Variants in METTL14 observed in about 807,000 individuals in gnomAD.
The protein encoded by METTL14 is methyltransferase 14, N6-adenosine-methyltransferase non-catalytic subunit.
In METTL14, 32 loss-of-function variants were observed where a neutral mutation model predicts 62.4. The observed-to-expected ratio is 0.51, with a 90% CI of 0.39 to 0.69. METTL14 has a LOEUF of 0.69. Among genes scored for constraint, METTL14 ranks in the 30% least tolerant of loss-of-function variants. The pLI is 0.00. For missense variants in METTL14, 340 were observed against 551.9 expected, an observed-to-expected ratio of 0.62 and a Z score of 3.85; for synonymous variants, 150 against 180.0, an observed-to-expected ratio of 0.83 and a Z score of 1.34.
rs1724987378 is a variant in METTL14 at position 118,713,777 on chromosome 4, GA to G, written c.*3477del. 1 of 152,080 alleles carries G rather than the reference GA, an allele frequency of 6.6e-6. No homozygotes were observed. The highest frequency in any genetic ancestry group is 6.6e-5 in the Admixed American group (1 of 15,258). The allele number at this position is 152,080 out of a possible 1,614,324, so 9.4% of individuals were successfully genotyped here. On this transcript the variant is annotated 3_prime_UTR_variant, in exon 11 of 11. Coordinates refer to ENST00000388822, the MANE Select transcript of METTL14 (RefSeq NM_020961.4). ...AAATCTAGGACTTCTCAAAAGATTA[GA>G]ACATTTATCCAGTAAACTGACTCCA...
chr4:118,695,951 A>C (rs1422919349), intron 6 of METTL14, among the ~76,000 whole-genome samples: 2 of 151,596 alleles, frequency 1.3e-5, no homozygotes, highest in African/African-American at 4.8e-5. Context: ...CTCTATTAAA[A>C]ATACAAAAAT....
intron 7 of METTL14, among the ~76,000 whole-genome samples, chr4:118,699,275 C>T (rs1398052626): frequency 1.3e-5 from 2 of 152,120 alleles, no homozygotes; most frequent in African/African-American, 4.8e-5. Context: ...TTCCTATTAG[C>T]TTTAATACTC....
chr4:118,708,813 T>C (rs189557195), intron 10 of METTL14, among the ~76,000 whole-genome samples: 130 of 152,326 alleles, frequency 8.5e-4, no homozygotes, highest in African/African-American at 2.8e-3. Context: ...CAAATAATGC[T>C]GTGTCTCTTA....
intron 7 of METTL14, 166 bp downstream of exon 7, chr4:118,697,489 T>C: frequency 1.8e-6 from 1 of 561,128 alleles, no homozygotes; most frequent in East Asian, 3.4e-5. Context: ...TTGACTAATA[T>C]TACATTATCT....
At chr4:118,692,221 CT>C (rs1468870120) in intron 5 of METTL14, among the ~76,000 whole-genome samples, 153 bp downstream of exon 5, 9 of 132,248 alleles carry the variant, frequency 6.8e-5, no homozygotes, top group African/African-American at 1.7e-4. Context: ...TTTTTCTTTT[CT>C]TTTCTTTTTT....
Position 118,704,052 on chromosome 4 carries a change from G to A in METTL14, c.855+1G>A, listed in dbSNP as rs1020837392. 3 of 1,530,792 alleles carry A rather than the reference G, an allele frequency of 2.0e-6. No individual in the cohort carries two copies. Among genetic ancestry groups the A allele is most frequent in the African/African-American group, 1.4e-5 (1 of 71,640 alleles). The allele number at this position is 1,530,792 out of a possible 1,614,324, so 94.8% of individuals were successfully genotyped here. ...AAAGGCTGTCTTTCAGAGAACAAAG[G>A]TATTGCCTTTACTGATTTGTTTTTT... On this transcript the variant is annotated splice_donor_variant, in intron 9 of 10. Coordinates refer to ENST00000388822, the MANE Select transcript of METTL14 (RefSeq NM_020961.4). LOFTEE classifies it high-confidence loss of function.
chr4:118,696,044 A>AG (rs1430795605), intron 6 of METTL14, among the ~76,000 whole-genome samples: 2 of 135,540 alleles, frequency 1.5e-5, no homozygotes, highest in Admixed American at 8.9e-5. Context: ...GTTTGAACCC[A>AG]GGAGGTGGAG....
chr4:118,702,316 G>A (rs899200736), intron 8 of METTL14, among the ~76,000 whole-genome samples: 2 of 151,592 alleles, frequency 1.3e-5, no homozygotes, highest in Non-Finnish European at 2.9e-5. Context: ...AGAGTTCGGC[G>A]AAAAATGATT....
chr4:118,690,063 CAG>C (rs1321330650), intron 3 of METTL14, among the ~76,000 whole-genome samples: 4 of 79,420 alleles, frequency 5.0e-5, no homozygotes, highest in Admixed American at 2.4e-4. Flanking sequence ...TTTTGTGAGA[CAG>C]AGTCTCACTC....
rs1560888176 is a variant in METTL14, at chr4:118,714,752, A to G, written c.*4450A>G. The stretch of plus-strand genomic sequence containing the variant: ...CAGGTGCCCACCACCACACCCAGCT[A>G]ATTTTAGTATTCTTAGTAGAGACAG... On this transcript the variant is annotated 3_prime_UTR_variant, in exon 11 of 11. Coordinates refer to ENST00000388822, the MANE Select transcript of METTL14 (RefSeq NM_020961.4). The G allele has an allele frequency of 6.6e-6, 1 of 152,188 alleles. No homozygotes were observed. Among genetic ancestry groups the G allele is most frequent in the East Asian group, 1.9e-4 (1 of 5,182 alleles). The allele number at this position is 152,188 out of a possible 1,614,324, so 9.4% of individuals were successfully genotyped here.
At chr4:118,701,202 A>ATTT (rs1724579910) in intron 8 of METTL14, among the ~76,000 whole-genome samples, 1 of 73,532 alleles carries the variant, frequency 1.4e-5, no homozygotes, top group African/African-American at 4.4e-5. Context: ...TGTTTTTTTG[A>ATTT]GACAAGGTAC....
chr4:118,697,099 A>T, intron 6 of METTL14, 83 bp from the exon 7 acceptor site: 1 of 1,024,410 alleles, frequency 9.8e-7, no homozygotes, highest in African/African-American at 1.6e-5. Flanking sequence ...CATTTCTTTC[A>T]TTACCATCTG....
intron 6 of METTL14, among the ~76,000 whole-genome samples, chr4:118,696,182 T>C (rs1459933704): frequency 2.7e-5 from 4 of 148,932 alleles, no homozygotes; most frequent in Non-Finnish European, 5.9e-5. Flanking sequence ...CCACAGAATG[T>C]TTTAGTATGT....
chr4:118,688,039 T>G, intron 2 of METTL14, 28 bp downstream of exon 2: 1 of 1,569,658 alleles, frequency 6.4e-7, no homozygotes, highest in East Asian at 2.2e-5. Context: ...TTTTTTTTTT[T>G]TTTTTGAGAC....
At chr4:118,700,076 CA>C in intron 7 of METTL14, among the ~76,000 whole-genome samples, 1 of 151,732 alleles carries the variant, frequency 6.6e-6, no homozygotes, top group Non-Finnish European at 1.5e-5. Flanking sequence ...GTAATCGTAG[CA>C]AAATATGTAT....
chr4:118,700,455 C>T (rs964740994), intron 7 of METTL14, 95 bp from the exon 8 acceptor site: 7 of 934,390 alleles, frequency 7.5e-6, no homozygotes, highest in Non-Finnish European at 1.0e-5. Flanking sequence ...TTAAAGAACA[C>T]ATCTATCCTA....
chr4:118,700,320 G>C (rs1180506025), intron 7 of METTL14, among the ~76,000 whole-genome samples: 1 of 152,124 alleles, frequency 6.6e-6, no homozygotes, highest in Non-Finnish European at 1.5e-5. Flanking sequence ...ATAACAGCAA[G>C]TGTATATATG....
At chr4:118,687,747 G>A (rs2110463686) in intron 1 of METTL14, among the ~76,000 whole-genome samples, 176 bp from the exon 2 acceptor site, 1 of 152,178 alleles carries the variant, frequency 6.6e-6, no homozygotes, top group South Asian at 2.1e-4. Context: ...TTTTTTTCCA[G>A]AGTTTTTCCA....
chr4:118,692,126 T>G, intron 5 of METTL14, 58 bp downstream of exon 5: 1 of 1,016,478 alleles, frequency 9.8e-7, no homozygotes, highest in South Asian at 1.5e-5. Flanking sequence ...TGCATGTAAT[T>G]TATCCAATTT....
Sources: allele counts gnomAD v4.1 joint callset (sites outside exome capture counted in the v4.1 genomes callset), GRCh38; gene constraint gnomAD v4.1.1; transcripts MANE v1.5; gene names NCBI Gene and HGNC (gene_info 2026-07-23, HGNC 2026-07-21).